DGKZ: variants seen among roughly 807,000 people sequenced by gnomAD.
The protein encoded by DGKZ is DAG kinase zeta.
Under a neutral mutation model 142.5 loss-of-function variants are expected in DGKZ, and 45 were observed. The ratio of observed to expected loss-of-function variants is 0.32; its 90% CI spans 0.25 to 0.40. The LOEUF (loss-of-function observed/expected upper bound fraction) is 0.40, where lower values mean the gene tolerates loss of function less well. DGKZ is among the 10% of genes least tolerant of loss of function. The probability of loss-of-function intolerance (pLI) is 1.00; values close to 1 mark genes in which losing one functional copy is unlikely to be tolerated. For missense variants in DGKZ, 755 were observed against 1,306.5 expected (o/e 0.58, Z 6.51); for synonymous variants, 442 against 527.0 (o/e 0.84, Z 2.21).
In DGKZ at chr11:46,375,906, G is replaced by C. The variant is rs769327980; in HGVS notation, c.1966G>C (p.Asp656His). The change falls in exon 21 of 31, where the codon GAC becomes CAC. Residue 656 changes from aspartate (D) to histidine (H), a missense_variant. Coordinates refer to ENST00000527911, the Ensembl canonical transcript of DGKZ. Reference sequence around the variant, plus strand: ...CCAGGTGAGTCGCGTCAGCATGCACGACTATGAGGCCCTGCACTACGACAA... The same window carrying C: ...CCAGGTGAGTCGCGTCAGCATGCACCACTATGAGGCCCTGCACTACGACAA... 3.8e-5 allele frequency: 60 copies of C among 1,595,628 alleles called. No homozygotes were observed. The highest frequency in any genetic ancestry group is 5.4e-5 in the African/African-American group (4 of 74,508).
At chr11:46,379,040 A>G (rs1197632249) in exon 28 of DGKZ, 2 of 1,594,258 alleles carry the variant, frequency 1.3e-6, no homozygotes, top group South Asian at 2.2e-5. Context: ...CGAGACGAGC[A>G]GAGTCGCACG....
At chr11:46,346,208 G>A (rs919897480), upstream of DGKZ, among the ~76,000 whole-genome samples, 11 of 152,212 alleles carry the variant, frequency 7.2e-5, no homozygotes, top group Non-Finnish European at 1.2e-4. Context: ...GGCTATTTGC[G>A]GCTGACTAAG....
chr11:46,343,894 G>A (rs1465310742), upstream of DGKZ, among the ~76,000 whole-genome samples: 1 of 151,246 alleles, frequency 6.6e-6, no homozygotes, highest in Non-Finnish European at 1.5e-5. Context: ...CCCTCCCCCT[G>A]CCTAAGTCAC....
chr11:46,337,356 C>T (rs1484321818), intron 1 of DGKZ, among the ~76,000 whole-genome samples: 1 of 129,388 alleles, frequency 7.7e-6, no homozygotes, highest in Admixed American at 9.5e-5. Context: ...AGTGCAATGG[C>T]GTGATCTTGG....
At position 46,336,136 on chromosome 11, in the gene DGKZ, C is replaced by T. The variant is rs115030580; in HGVS notation, c.212+2649C>T. Among the ~76,000 whole-genome samples, 173 of 152,302 alleles carry T rather than the reference C, an allele frequency of 1.1e-3. 1 individual carries two copies. Among genetic ancestry groups the T allele is most frequent in the African/African-American group, 4.1e-3 (171 of 41,558 alleles). On this transcript the variant is annotated intron_variant, in intron 1 of 30. Coordinates refer to the DGKZ transcript ENST00000343674. Reference sequence around the variant, plus strand: ...CGGAAGCGGGCTGAAGGCCTGGCTGCTTCTGACGTAAGTGAGGACGGGGGC... The same window carrying T: ...CGGAAGCGGGCTGAAGGCCTGGCTGTTTCTGACGTAAGTGAGGACGGGGGC...
At chr11:46,333,962 A>ACAGAATTCCCTC (rs1305410956) in intron 1 of DGKZ, among the ~76,000 whole-genome samples, 1 of 152,132 alleles carries the variant, frequency 6.6e-6, no homozygotes, top group African/African-American at 2.4e-5. Context: ...GAGATGGGGA[A>ACAGAATTCCCTC]CAGAATTCCC....
exon 31 of DGKZ, chr11:46,379,971 G>C: frequency 1.3e-6 from 2 of 1,582,364 alleles, no homozygotes; most frequent in Non-Finnish European, 1.7e-6. Context: ...GGCAGCAGGA[G>C]GGACAATGCG....
intron 29 of DGKZ, 111 bp from the exon 30 acceptor site, chr11:46,379,358 C>A (rs1423370820): frequency 6.4e-7 from 1 of 1,562,604 alleles, no homozygotes; most frequent in African/African-American, 1.4e-5. Context: ...CCCTGGGCCA[C>A]CCCTATTGCC....
At chr11:46,379,293 C>T (rs2136523975) in intron 29 of DGKZ, 57 bp downstream of exon 29, 1 of 1,606,358 alleles carries the variant, frequency 6.2e-7, no homozygotes, top group Non-Finnish European at 8.5e-7. Flanking sequence ...CTTTTCCCCA[C>T]CCCTCCCATT....
intron 1 of DGKZ, among the ~76,000 whole-genome samples, chr11:46,336,328 G>A (rs1404570456): frequency 6.6e-6 from 1 of 152,228 alleles, no homozygotes; most frequent in Non-Finnish European, 1.5e-5. Flanking sequence ...GGAAAGGCAG[G>A]GGAGGGGGGA....
At chr11:46,365,717 A>G in intron 1 of DGKZ, 1 of 985,430 alleles carries the variant, frequency 1.0e-6, no homozygotes. Context: ...GGTTTGCTCC[A>G]TGTCCCATGA....
intron 14 of DGKZ, among the ~76,000 whole-genome samples, chr11:46,373,351 A>G (rs2136491189): frequency 6.8e-6 from 1 of 146,462 alleles, no homozygotes; most frequent in South Asian, 2.2e-4. Flanking sequence ...CAGTGGCGCA[A>G]TCCCAGCTCA....
upstream of DGKZ, chr11:46,345,517 AC>A (rs1294282929): frequency 2.0e-6 from 3 of 1,520,806 alleles, no homozygotes; most frequent in African/African-American, 4.3e-5. The surrounding 1 kb of genome is among the most constrained non-coding windows in gnomAD (Gnocchi z 4.1). Flanking sequence ...GGCCGGGGTC[AC>A]TGAGGCAGAT....
At chr11:46,362,972 C>A (rs1242022775) in intron 1 of DGKZ, among the ~76,000 whole-genome samples, 2 of 152,236 alleles carry the variant, frequency 1.3e-5, no homozygotes, top group Non-Finnish European at 2.9e-5. Context: ...GAGTCCTTTC[C>A]CATCCTGTCC....
chr11:46,371,511 A>G, exon 8 of DGKZ: 5 of 1,608,150 alleles, frequency 3.1e-6, no homozygotes, highest in African/African-American at 1.3e-5. Context: ...GTCCTGCTTC[A>G]TGCTGCAGCA....
At chr11:46,364,387 T>C (rs1482535961) in intron 1 of DGKZ, 10 of 1,288,994 alleles carry the variant, frequency 7.8e-6, no homozygotes, top group Non-Finnish European at 9.1e-6. Flanking sequence ...ATGTCAGCCG[T>C]GACACTGGTG....
upstream of DGKZ, chr11:46,345,366 C>A (rs1310911997): frequency 1.4e-6 from 2 of 1,399,258 alleles, no homozygotes; most frequent in African/African-American, 3.0e-5. The surrounding 1 kb of genome is among the most constrained non-coding windows in gnomAD (Gnocchi z 4.1). Flanking sequence ...TCGACCCCAC[C>A]CCCGTCAGGA....
intron 25 of DGKZ, chr11:46,377,434 C>T: frequency 1.2e-6 from 1 of 820,180 alleles, no homozygotes; most frequent in South Asian, 2.3e-5. Flanking sequence ...CTCTGGACCT[C>T]ATCCTTCAGC....
At chr11:46,371,194 C>T in intron 6 of DGKZ, 119 bp from the exon 7 acceptor site, 3 of 971,132 alleles carry the variant, frequency 3.1e-6, no homozygotes, top group South Asian at 1.5e-5. Flanking sequence ...GAGTTTGAGA[C>T]CAGCCTGGGC....
Sources: allele counts gnomAD v4.1 joint callset (sites outside exome capture counted in the v4.1 genomes callset), GRCh38; gene constraint gnomAD v4.1.1; non-coding constraint Gnocchi (gnomAD v3.1); transcripts MANE v1.5; gene names NCBI Gene and HGNC (gene_info 2026-07-23, HGNC 2026-07-21).